Variants in DAP observed in about 807,000 individuals in gnomAD.
DAP encodes the protein death-associated protein 1.
DAP carries 8 observed loss-of-function variants against 13.8 expected under a neutral mutation model. The observed-to-expected ratio is 0.58, with a 90% CI of 0.34 to 1.05. The LOEUF is 1.05. Ranked by LOEUF, DAP falls within the 50% of genes least tolerant of loss-of-function variation. DAP has a pLI of 0.03. For synonymous variants in DAP, 47 were observed against 47.5 expected, an observed-to-expected ratio of 0.99 and a Z score of 0.04; for missense variants, 106 against 133.2, an observed-to-expected ratio of 0.80 and a Z score of 1.01.
Position 10,722,030 on chromosome 5 carries a change from T to C in DAP, c.152+26145A>G, listed in dbSNP as rs367756711. 9.5e-4 allele frequency among the ~76,000 whole-genome samples: 145 copies of C among 152,308 alleles called. 5 individuals are homozygous for C. The South Asian group carries it at 0.029, about 30-fold the overall frequency. On this transcript the variant is annotated intron_variant, in intron 2 of 3. Coordinates refer to ENST00000230895, the MANE Select transcript of DAP (RefSeq NM_004394.3). ...ATAGTTGTATTATGTTAGGTGTAAT[T>C]ATGATCTTATTGTATTTGAAGATTA...
At chr5:10,687,894 T>A (rs893450798) in intron 2 of DAP, among the ~76,000 whole-genome samples, 3 of 149,746 alleles carry the variant, frequency 2.0e-5, no homozygotes, top group African/African-American at 7.4e-5. Flanking sequence ...TGTCACAAAC[T>A]TCATTGTTGT....
intron 3 of DAP, among the ~76,000 whole-genome samples, chr5:10,682,024 C>T (rs563063652): frequency 8.7e-5 from 13 of 149,676 alleles, no homozygotes; most frequent in African/African-American, 3.0e-4. Context: ...CCACCAGCAT[C>T]CCTGTAGGAA....
At chr5:10,694,647 T>C (rs1738390228) in intron 2 of DAP, among the ~76,000 whole-genome samples, 2 of 152,172 alleles carry the variant, frequency 1.3e-5, no homozygotes, top group African/African-American at 4.8e-5. Flanking sequence ...GTAGTCACAG[T>C]GTGTGCTTAG....
intron 3 of DAP, 80 bp from the exon 4 acceptor site, chr5:10,681,249 C>G: frequency 9.0e-7 from 1 of 1,112,182 alleles, no homozygotes; most frequent in South Asian, 1.7e-5. Context: ...GGCCAGTGCC[C>G]ACCAGCGTCC....
intron 3 of DAP, among the ~76,000 whole-genome samples, chr5:10,681,914 G>A (rs146912370): frequency 1.7e-3 from 256 of 151,938 alleles, no homozygotes; most frequent in East Asian, 0.011. Context: ...ATCCCTGCAG[G>A]AAGCATGGCG....
intron 2 of DAP, among the ~76,000 whole-genome samples, chr5:10,706,709 T>A (rs1738705176): frequency 6.6e-6 from 1 of 152,190 alleles, no homozygotes; most frequent in Admixed American, 6.5e-5. Context: ...TCGGATTTGA[T>A]AAAGACACAC....
rs181232794 is a variant in DAP, at chr5:10,685,507, T to C, written c.153-1936A>G. ...GGAACTGTGGTCTGAATTCTAACAT[T>C]TTAGAAAAGATTTGGAAAGGAATAC... On this transcript the variant is annotated intron_variant, in intron 2 of 3. Coordinates refer to ENST00000230895, the MANE Select transcript of DAP (RefSeq NM_004394.3). 2.0e-3 allele frequency among the ~76,000 whole-genome samples: 298 copies of C among 148,820 alleles called. 2 individuals are homozygous for C. The highest frequency in any genetic ancestry group is 0.018 in the Middle Eastern group (5 of 284).
At chr5:10,760,906 C>T (rs1344838981) in intron 1 of DAP, 108 bp downstream of exon 1, 3 of 700,176 alleles carry the variant, frequency 4.3e-6, no homozygotes, top group African/African-American at 1.9e-5. Context: ...GCCCGGAACC[C>T]GTCTCAGCGC....
intron 1 of DAP, among the ~76,000 whole-genome samples, chr5:10,753,265 A>G (rs1176221414): frequency 2.0e-5 from 3 of 152,230 alleles, no homozygotes; most frequent in Non-Finnish European, 4.4e-5. Context: ...GCGGCCCCAA[A>G]TCGCACAGCT....
intron 2 of DAP, among the ~76,000 whole-genome samples, chr5:10,744,006 C>T (rs1739836231): frequency 6.6e-6 from 1 of 152,082 alleles, no homozygotes; most frequent in African/African-American, 2.4e-5. Context: ...TAAACAATTG[C>T]AAGAAAAATA....
At chr5:10,737,121 G>A (rs1455961481) in intron 2 of DAP, among the ~76,000 whole-genome samples, 2 of 152,192 alleles carry the variant, frequency 1.3e-5, no homozygotes, top group African/African-American at 4.8e-5. Context: ...TGAGGCAGGC[G>A]ATCACCTGAG....
chr5:10,742,306 G>A lies in DAP; in HGVS notation c.152+5869C>T, dbSNP rs12657048. 2.6e-4 allele frequency among the ~76,000 whole-genome samples: 39 copies of A among 152,224 alleles called. No homozygotes were observed. In the East Asian group the frequency reaches 6.2e-3, roughly 24 times the overall value. ...TCCCAGCACTTTGGCAGGCTAAGACGGGCCAATCACAAGGTCAGGAGTTCA... is the reference window on the plus strand; with the variant it reads ...TCCCAGCACTTTGGCAGGCTAAGACAGGCCAATCACAAGGTCAGGAGTTCA... On this transcript the variant is annotated intron_variant, in intron 2 of 3. Transcript: ENST00000230895.
chr5:10,730,607 G>A (rs116359533), intron 2 of DAP, among the ~76,000 whole-genome samples: 4 of 105,150 alleles, frequency 3.8e-5, no homozygotes, highest in East Asian at 3.0e-4. Context: ...CTGAGAGCCC[G>A]GGTCGGGGGG....
chr5:10,697,346 G>A (rs936873321), intron 2 of DAP, among the ~76,000 whole-genome samples: 1 of 152,184 alleles, frequency 6.6e-6, no homozygotes, highest in Non-Finnish European at 1.5e-5. Flanking sequence ...TCTGTATAAC[G>A]ATCATCTATG....
rs182379177 is a variant in DAP at position 10,680,933 on chromosome 5, A to G, written c.*123T>C. 728 of 1,539,516 alleles carry G rather than the reference A, an allele frequency of 4.7e-4. 5 individuals carry two copies. Among genetic ancestry groups the G allele is most frequent in the Non-Finnish European group, 7.0e-5 (80 of 1,146,970 alleles). On this transcript the variant is annotated 3_prime_UTR_variant, in exon 4 of 4. Transcript: ENST00000230895. ...GGAAATGTAAGGCAAAGGACAGAGC[A>G]CTTGGTTTTGCCTTAGATTTCCCAG...
At chr5:10,741,348 G>T (rs1385773906) in intron 2 of DAP, among the ~76,000 whole-genome samples, 1 of 152,126 alleles carries the variant, frequency 6.6e-6, no homozygotes, top group African/African-American at 2.4e-5. Flanking sequence ...GTGAGACCCT[G>T]TCTCAAAAAA....
chr5:10,696,041 GA>G (rs757373838), intron 2 of DAP, among the ~76,000 whole-genome samples: 21 of 152,130 alleles, frequency 1.4e-4, no homozygotes, highest in Non-Finnish European at 3.1e-4. Flanking sequence ...CACAGCTCCA[GA>G]AAGCTCCTGT....
intron 2 of DAP, among the ~76,000 whole-genome samples, chr5:10,732,878 T>C (rs574786480): frequency 7.2e-5 from 11 of 152,364 alleles, no homozygotes; most frequent in Non-Finnish European, 1.3e-4. Flanking sequence ...TATATTTACA[T>C]TGTTGAGAAA....
At position 10,679,846 on chromosome 5, in the gene DAP, T is replaced by G. The variant is rs755322579; in HGVS notation, c.*1210A>C. ...TGGTTGGCAGCTGCTCACGACACAG[T>G]TGCTGACCTGCAGCAGATCGGCTGT... On this transcript the variant is annotated 3_prime_UTR_variant, in exon 4 of 4. Transcript: ENST00000230895. 1 of 152,368 alleles carries G rather than the reference T, an allele frequency of 6.6e-6. No homozygotes were observed. Among genetic ancestry groups the G allele is most frequent in the Non-Finnish European group, 1.5e-5 (1 of 68,046 alleles). The allele number at this position is 152,368 out of a possible 1,614,324, so 9.4% of individuals were successfully genotyped here.
Sources: allele counts gnomAD v4.1 joint callset (sites outside exome capture counted in the v4.1 genomes callset), GRCh38; gene constraint gnomAD v4.1.1; transcripts MANE v1.5; gene names NCBI Gene and HGNC (gene_info 2026-07-23, HGNC 2026-07-21).